NCOR2: variants seen among roughly 807,000 people sequenced by gnomAD.
The protein encoded by NCOR2 is CTG repeat protein 26.
Under a neutral mutation model 262.9 loss-of-function variants are expected in NCOR2, and 81 were observed. That is an observed-to-expected ratio of 0.31 (90% CI 0.26 to 0.37). The LOEUF is 0.37. Among genes scored for constraint, NCOR2 ranks in the 10% least tolerant of loss-of-function variants. The pLI is 1.00. For missense variants in NCOR2, 3,385 were observed against 3,621.4 expected, an observed-to-expected ratio of 0.93 and a Z score of 1.68; for synonymous variants, 1,659 against 1,559.3, an observed-to-expected ratio of 1.06 and a Z score of -1.51.
At chr12:124,513,823 A>G (rs2049556901) in intron 1 of NCOR2, 1 of 152,204 alleles carries the variant, frequency 6.6e-6, no homozygotes, top group South Asian at 2.1e-4. Context: ...TAGGAGGGGT[A>G]GCTCTCTTGG....
exon 31 of NCOR2, chr12:124,346,661 G>T: frequency 1.3e-6 from 2 of 1,584,080 alleles, no homozygotes. Flanking sequence ...GGAGCGGCCC[G>T]CCTCCTTCAC....
chr12:124,431,612 T>C (rs1321171759), intron 8 of NCOR2, among the ~76,000 whole-genome samples: 1 of 129,056 alleles, frequency 7.7e-6, no homozygotes, highest in Non-Finnish European at 1.6e-5. Flanking sequence ...CACACATACA[T>C]ACAGTCAGAC....
At position 124,348,178 on chromosome 12, in the gene NCOR2, G is replaced by A. The variant is rs956696290; in HGVS notation, c.3981C>T (p.Ile1327=). 9 of 1,610,852 alleles carry A rather than the reference G, an allele frequency of 5.6e-6. No individual in the cohort carries two copies. The Admixed American group carries it at 6.7e-5, about 12-fold the overall frequency. Residue 1327 remains isoleucine (I), a synonymous_variant, in exon 29 of 47, where the codon ATC becomes ATT. Coordinates refer to ENST00000405201, the Ensembl canonical transcript of NCOR2. ...AAGTCTCCTCCCTGCTATCACCTTCGATGCTGGCTGAGGAGATGGCTCTGC... is the reference window on the plus strand; with the variant it reads ...AAGTCTCCTCCCTGCTATCACCTTCAATGCTGGCTGAGGAGATGGCTCTGC...
At chr12:124,361,247 G>C (rs2038571252) in intron 22 of NCOR2, among the ~76,000 whole-genome samples, 1 of 152,208 alleles carries the variant, frequency 6.6e-6, no homozygotes, top group Non-Finnish European at 1.5e-5. Flanking sequence ...GGTCGGCCTG[G>C]TGTCCTGCTG....
chr12:124,426,895 C>T, intron 10 of NCOR2, 95 bp from the exon 13 acceptor site: 2 of 1,248,250 alleles, frequency 1.6e-6, no homozygotes, highest in Non-Finnish European at 1.1e-6. Flanking sequence ...GACGGATGGT[C>T]TGCGCCAGAG....
chr12:124,397,800 G>A (rs1396964837), intron 16 of NCOR2, among the ~76,000 whole-genome samples: 1 of 152,156 alleles, frequency 6.6e-6, no homozygotes, highest in Non-Finnish European at 1.5e-5. Flanking sequence ...TGTCCCCAAG[G>A]CCCAGAGGTG....
rs2050814594 is a variant in NCOR2 at position 124,531,973 on chromosome 12, T to C, written c.-118+3592A>G. Among the ~76,000 whole-genome samples the C allele has an allele frequency of 1.3e-5, 2 of 151,968 alleles. No individual in the cohort carries two copies. The highest frequency in any genetic ancestry group is 3.9e-4 in the East Asian group (2 of 5,154). ...GGGCCAGGGGCTCCCACAGCCCCCT[T>C]CTAAGGTCCTAGGTCCGCAGGGAAG... On this transcript the variant is annotated intron_variant, in intron 1 of 46. Transcript: ENST00000404621. This position sits in a 1 kb window ranked among gnomAD's most constrained non-coding sequence, Gnocchi z 4.5.
upstream of NCOR2, chr12:124,538,756 G>C (rs1013511950): frequency 2.6e-5 from 4 of 152,902 alleles, no homozygotes; most frequent in African/African-American, 7.2e-5. Flanking sequence ...TCATGCATTA[G>C]AGAGTCCGAA....
chr12:124,360,311 T>A (rs2038450827), intron 22 of NCOR2, among the ~76,000 whole-genome samples: 1 of 152,196 alleles, frequency 6.6e-6, no homozygotes, highest in African/African-American at 2.4e-5. Context: ...GAGACATCCC[T>A]GGCGTCATCC....
intron 13 of NCOR2, among the ~76,000 whole-genome samples, chr12:124,412,922 G>A (rs1417244537): frequency 1.4e-5 from 2 of 139,236 alleles, no homozygotes; most frequent in Admixed American, 1.4e-4. Context: ...GCCTCAGACA[G>A]GGGGAACTCC....
chr12:124,549,121 G>A lies in NCOR2; in HGVS notation c.-164-13510C>T, dbSNP rs1029457106. 6.6e-6 allele frequency among the ~76,000 whole-genome samples: 1 copy of A among 152,178 alleles called. No homozygotes were observed. Among genetic ancestry groups the A allele is most frequent in the South Asian group, 2.1e-4 (1 of 4,820 alleles). On this transcript the variant is annotated intron_variant, in intron 1 of 32. Transcript: ENST00000458234. The surrounding 1 kb of genome is among the most constrained non-coding windows in gnomAD (Gnocchi z 4.4). ...ATTGTCAGGGTGGTTGGGATGCAGT[G>A]TGGCGCTGAGCCAGGGAGCTAACCT... is the stretch of plus-strand genomic sequence containing the variant.
At chr12:124,351,269 T>C (rs543878289) in intron 27 of NCOR2, among the ~76,000 whole-genome samples, 1 of 152,292 alleles carries the variant, frequency 6.6e-6, no homozygotes, top group Non-Finnish European at 1.5e-5. Flanking sequence ...TGCACTTTGG[T>C]TTCCTAAAAC....
intron 20 of NCOR2, among the ~76,000 whole-genome samples, chr12:124,365,749 C>G (rs1161983191): frequency 6.6e-6 from 1 of 151,972 alleles, no homozygotes; most frequent in East Asian, 2.0e-4. Flanking sequence ...CTGTCCAGAC[C>G]CTGCTTGATC....
rs1434242541 is a variant in NCOR2 at position 124,334,384 on chromosome 12, G to A, written c.6605+40C>T. The A allele has an allele frequency of 1.7e-5, 24 of 1,448,672 alleles. No homozygotes were observed. In the East Asian group the frequency reaches 2.0e-4, roughly 12 times the overall value. 89.7% of individuals were successfully genotyped at this position (1,448,672 alleles called of 1,614,324 possible). ...GGCAGGCAGCTGACGAAGGCCTCCCGCCGGCTGACCAGCAAGAGGCACCCC... is the reference window on the plus strand; with the variant it reads ...GGCAGGCAGCTGACGAAGGCCTCCCACCGGCTGACCAGCAAGAGGCACCCC... On this transcript the variant is annotated intron_variant, in intron 41 of 46. Transcript: ENST00000405201.
intron 2 of NCOR2, among the ~76,000 whole-genome samples, chr12:124,484,956 C>G (rs1003190158): frequency 6.6e-6 from 1 of 152,248 alleles, no homozygotes; most frequent in South Asian, 2.1e-4. Flanking sequence ...TGTTGCTGGC[C>G]CCCCCGGGGA....
At chr12:124,349,463 C>T (rs113974966) in intron 28 of NCOR2, among the ~76,000 whole-genome samples, 4,157 of 152,232 alleles carry the variant, frequency 0.027, 85 homozygotes, top group Non-Finnish European at 0.043. Flanking sequence ...CCAAATTAAT[C>T]GCCGATGTTT....
chr12:124,553,862 C>T (rs1344469065), intron 1 of NCOR2, among the ~76,000 whole-genome samples: 1 of 152,172 alleles, frequency 6.6e-6, no homozygotes, highest in Non-Finnish European at 1.5e-5. Context: ...GGGGCACCCA[C>T]GGGAGGAGAC....
chr12:124,340,535 C>T (rs2036372587), intron 35 of NCOR2, 67 bp downstream of exon 37: 3 of 1,541,128 alleles, frequency 1.9e-6, no homozygotes, highest in Admixed American at 1.9e-5. Context: ...GGGCTTCTGC[C>T]CGCCCATCCC....
chr12:124,473,161 C>T, intron 3 of NCOR2, 30 bp from the exon 6 acceptor site: 1 of 1,612,038 alleles, frequency 6.2e-7, no homozygotes, highest in Middle Eastern at 1.8e-4. Context: ...GGCATGGGGT[C>T]AGCACAGGGG....
Sources: allele counts gnomAD v4.1 joint callset (sites outside exome capture counted in the v4.1 genomes callset), GRCh38; gene constraint gnomAD v4.1.1; non-coding constraint Gnocchi (gnomAD v3.1); transcripts MANE v1.5; gene names NCBI Gene and HGNC (gene_info 2026-07-23, HGNC 2026-07-21).